Variants in UGGT1 observed in about 807,000 individuals in gnomAD.
The protein encoded by UGGT1 is UDP-glucose:glycoprotein glucosyltransferase 1.
UGGT1 carries 107 observed loss-of-function variants against 203.9 expected under a neutral mutation model. That is an observed-to-expected ratio of 0.52 (90% confidence interval 0.45 to 0.62). The LOEUF is 0.62. UGGT1 is among the 20% of genes least tolerant of loss of function. The pLI is 0.00. For synonymous variants in UGGT1, 628 were observed against 653.5 expected, an observed-to-expected ratio of 0.96 and a Z score of 0.59; for missense variants, 1,673 against 1,867.2, an observed-to-expected ratio of 0.90 and a Z score of 1.92.
intron 26 of UGGT1, 142 bp from the exon 27 acceptor site, chr2:128,170,144 CAT>C (rs1383435612): frequency 1.6e-6 from 1 of 634,658 alleles, no homozygotes; most frequent in African/African-American, 1.8e-5. Context: ...TAGACAGAAT[CAT>C]ATAGTTGGCC....
At chr2:128,164,892 G>A in intron 26 of UGGT1, 67 bp downstream of exon 26, 1 of 1,201,008 alleles carries the variant, frequency 8.3e-7, no homozygotes, top group Admixed American at 2.7e-5. Context: ...CTTTACCTCA[G>A]CTCCTTCATT....
intron 19 of UGGT1, among the ~76,000 whole-genome samples, chr2:128,154,088 C>G (rs1690114223): frequency 6.7e-6 from 1 of 150,372 alleles, no homozygotes; most frequent in African/African-American, 2.5e-5. Context: ...CACACACACT[C>G]CTATACATAA....
In UGGT1 at chr2:128,180,982, A is replaced by G; in HGVS notation, c.3993A>G (p.Lys1331=). ...WPRWLHQQTE[K]QRIIWGYKIL... Reference sequence around the variant, plus strand: ...GGTGGCTTCATCAACAAACTGAAAAACAGCGTATCATCTGGGGTTACAAGA... The same window carrying G: ...GGTGGCTTCATCAACAAACTGAAAAGCAGCGTATCATCTGGGGTTACAAGA... Residue 1331 remains lysine, a synonymous_variant, in exon 36 of 41, where the codon AAA becomes AAG. Coordinates refer to ENST00000259253, the MANE Select transcript of UGGT1 (RefSeq NM_020120.4). 5 of 1,614,166 alleles carry G rather than the reference A, an allele frequency of 3.1e-6. No homozygotes were observed. The highest frequency in any genetic ancestry group is 4.2e-6 in the Non-Finnish European group (5 of 1,180,030).
intron 28 of UGGT1, among the ~76,000 whole-genome samples, chr2:128,172,222 C>T (rs557936128): frequency 3.3e-5 from 5 of 152,258 alleles, no homozygotes; most frequent in African/African-American, 1.2e-4. Context: ...TCCATGTGAA[C>T]GAGTGGCCTC....
At chr2:128,180,640 C>G (rs1166307100) in intron 35 of UGGT1, among the ~76,000 whole-genome samples, 2 of 152,174 alleles carry the variant, frequency 1.3e-5, no homozygotes, top group Non-Finnish European at 2.9e-5. Context: ...GGATATACAT[C>G]TAAAATCCTT....
intron 12 of UGGT1, 76 bp downstream of exon 12, chr2:128,127,528 C>G: frequency 8.8e-7 from 1 of 1,134,140 alleles, no homozygotes; most frequent in East Asian, 2.5e-5. Context: ...TATTGCCGTT[C>G]CTTCTTGATA....
chr2:128,097,696 T>C, intron 2 of UGGT1, 132 bp downstream of exon 2: 1 of 1,113,260 alleles, frequency 9.0e-7, no homozygotes, highest in African/African-American at 1.6e-5. Flanking sequence ...CAGTGTATAC[T>C]GTAGGATGTA....
At chr2:128,181,096 T>G (rs755301980) in intron 36 of UGGT1, 24 bp downstream of exon 36, 108 of 1,591,006 alleles carry the variant, frequency 6.8e-5, no homozygotes, top group Non-Finnish European at 8.2e-5. Context: ...GGCCAAGTTT[T>G]GACAGTTTGT....
chr2:128,186,649 T>C (rs1691996724), intron 38 of UGGT1, 34 bp from the exon 39 acceptor site: 1 of 1,488,724 alleles, frequency 6.7e-7, no homozygotes, highest in Non-Finnish European at 9.3e-7. Flanking sequence ...TTTAGATACA[T>C]GTATTTTATT....
intron 16 of UGGT1, 115 bp from the exon 17 acceptor site, chr2:128,142,977 CAA>C (rs982571530): frequency 4.2e-3 from 3,561 of 855,858 alleles, no homozygotes; most frequent in South Asian, 7.9e-3. Context: ...AACTCCGTCT[CAA>C]AAAAAAAAAA....
chr2:128,093,251 A>G (rs1028620995), intron 1 of UGGT1, among the ~76,000 whole-genome samples: 1 of 43,638 alleles, frequency 2.3e-5, no homozygotes, highest in African/African-American at 4.6e-5. Flanking sequence ...CCACAGGTTC[A>G]TAGGATTTTC....
In UGGT1 at chr2:128,183,945, A is replaced by T. The variant is rs867283666; in HGVS notation, c.4359+156A>T. ...GTGTGTGTGTGTGTGTGTGAGAGAG[A>T]GAGAGAGAGAGAGAGATTTTTATCT... On this transcript the variant is annotated intron_variant, in intron 38 of 40. Coordinates refer to ENST00000259253, the MANE Select transcript of UGGT1 (RefSeq NM_020120.4). 4.7e-3 allele frequency among the ~76,000 whole-genome samples: 600 copies of T among 128,522 alleles called. 5 individuals are homozygous for T. The highest frequency in any genetic ancestry group is 0.014 in the African/African-American group (519 of 38,220). The allele number at this position is 128,522 out of a possible 152,430, so 84.3% of individuals were successfully genotyped here. A position where few individuals can be genotyped will look rare whatever the true frequency, so the allele number is the denominator to read the frequency against.
chr2:128,127,424 A>T lies in UGGT1; in HGVS notation c.1198A>T (p.Met400Leu), dbSNP rs1393143495. The change falls in exon 12 of 41, where the codon ATG (methionine) becomes TTG (leucine). Residue 400 changes from methionine to leucine, a missense_variant. Met to Leu is a conservative substitution (Grantham distance 15). This residue lies in a region of UGGT1 where 1,073 missense variants were observed against 1,078.7 expected (regional missense o/e 0.99). Coordinates refer to ENST00000259253, the MANE Select transcript of UGGT1 (RefSeq NM_020120.4). ...AGCCCTCTTCATCAATGGACTTCACATGGATTTAGATACACAGGATATATT... is the reference window on the plus strand; with the variant it reads ...AGCCCTCTTCATCAATGGACTTCACTTGGATTTAGATACACAGGATATATT... ...DSALFINGLH[M>L]DLDTQDIFSL... 6.2e-7 allele frequency: 1 copy of T among 1,613,400 alleles called. No individual in the cohort carries two copies. Among genetic ancestry groups the T allele is most frequent in the Non-Finnish European group, 8.5e-7 (1 of 1,179,380 alleles).
intron 14 of UGGT1, among the ~76,000 whole-genome samples, chr2:128,134,630 T>C (rs976232227): frequency 2.4e-4 from 36 of 152,334 alleles, no homozygotes; most frequent in African/African-American, 7.9e-4. Flanking sequence ...AAAAGCGGCA[T>C]CATCACTTTG....
At chr2:128,145,493 C>T (rs1272683319) in intron 17 of UGGT1, among the ~76,000 whole-genome samples, 1 of 75,612 alleles carries the variant, frequency 1.3e-5, no homozygotes, top group African/African-American at 4.4e-5. Flanking sequence ...GTGCTACACA[C>T]ACACACAAAC....
At chr2:128,187,212 G>T (rs1389290016) in intron 39 of UGGT1, 5 of 392,940 alleles carry the variant, frequency 1.3e-5, no homozygotes, top group Non-Finnish European at 2.2e-5. Flanking sequence ...TCTGTGCCTT[G>T]TAATTTTTCC....
At chr2:128,177,662 G>A (rs556597805) in intron 32 of UGGT1, among the ~76,000 whole-genome samples, 170 bp from the exon 33 acceptor site, 3 of 152,318 alleles carry the variant, frequency 2.0e-5, no homozygotes, top group South Asian at 4.1e-4. Context: ...ATGTCCTGGC[G>A]AAGATACTTC....
chr2:128,118,300 C>T (rs910151889), intron 8 of UGGT1, among the ~76,000 whole-genome samples: 1 of 152,152 alleles, frequency 6.6e-6, no homozygotes, highest in Non-Finnish European at 1.5e-5. Flanking sequence ...GGGCTTTGCT[C>T]TGTCACTCAG....
At chr2:128,119,977 G>A (rs1558766548) in intron 8 of UGGT1, among the ~76,000 whole-genome samples, 1 of 151,006 alleles carries the variant, frequency 6.6e-6, no homozygotes, top group East Asian at 1.9e-4. Context: ...AGGTCTTGCT[G>A]TGTTGCACAG....
Sources: allele counts gnomAD v4.1 joint callset (sites outside exome capture counted in the v4.1 genomes callset), GRCh38; gene constraint gnomAD v4.1.1; regional missense constraint gnomAD v4.1.1; transcripts MANE v1.5; gene names NCBI Gene and HGNC (gene_info 2026-07-23, HGNC 2026-07-21).